Variants in FHIT observed in about 807,000 individuals in gnomAD.
FHIT encodes the protein bis(5'-adenosyl)-triphosphatase.
Under a neutral mutation model 17.9 loss-of-function variants are expected in FHIT, and 19 were observed. The observed-to-expected ratio is 1.06, with a 90% CI of 0.74 to 1.56. The LOEUF (loss-of-function observed/expected upper bound fraction) is 1.56, where lower values mean the gene tolerates loss of function less well. Ranked by LOEUF, FHIT falls within the 40% of genes most tolerant of loss-of-function variation. FHIT has a pLI of 0.00. For missense variants in FHIT, 248 were observed against 189.2 expected (o/e 1.31, Z -1.82); for synonymous variants, 81 against 69.7 (o/e 1.16, Z -0.81).
chr3:60,401,346 C>A (rs1701649646), intron 5 of FHIT, among the ~76,000 whole-genome samples: 1 of 152,158 alleles, frequency 6.6e-6, no homozygotes, highest in Non-Finnish European at 1.5e-5. Flanking sequence ...TGATCTGCAT[C>A]CTGGGAAGTT....
chr3:60,011,252 T>C, intron 7 of FHIT, 119 bp downstream of exon 7: 2 of 899,906 alleles, frequency 2.2e-6, no homozygotes, highest in South Asian at 1.5e-5. Context: ...ACTGAGGGTC[T>C]CTCTGACCTC....
At chr3:60,059,690 A>G (rs905035207) in intron 5 of FHIT, among the ~76,000 whole-genome samples, 1 of 152,166 alleles carries the variant, frequency 6.6e-6, no homozygotes, top group South Asian at 2.1e-4. Flanking sequence ...ATTAGCCGCC[A>G]GTAACCCAAA....
rs187109343 is a variant in FHIT at position 61,082,277 on chromosome 3, T to C, written c.-163-40178A>G. On this transcript the variant is annotated intron_variant, in intron 2 of 9. Coordinates refer to ENST00000492590, the MANE Select transcript of FHIT (RefSeq NM_002012.4). ...CCTGCTCCAGCCCAAAGGAAACCAT[T>C]ATCCTGACCTCTAACAACATTGATT... 1.3e-3 allele frequency among the ~76,000 whole-genome samples: 193 copies of C among 152,290 alleles called. 2 individuals are homozygous for C. Among genetic ancestry groups the C allele is most frequent in the African/African-American group, 4.5e-3 (185 of 41,562 alleles).
intron 5 of FHIT, among the ~76,000 whole-genome samples, chr3:60,265,146 G>A (rs571599028): frequency 6.6e-6 from 1 of 152,012 alleles, no homozygotes; most frequent in East Asian, 1.9e-4. Flanking sequence ...CTTGGTTGAA[G>A]CATATCTATT....
chr3:60,167,414 G>A (rs1041226574), intron 5 of FHIT, among the ~76,000 whole-genome samples: 5 of 152,148 alleles, frequency 3.3e-5, no homozygotes, highest in Non-Finnish European at 7.4e-5. Context: ...ACATGCATAT[G>A]TGTACACACA....
At chr3:60,524,428 A>C (rs1447357817) in intron 5 of FHIT, among the ~76,000 whole-genome samples, 1 of 152,186 alleles carries the variant, frequency 6.6e-6, no homozygotes, top group Non-Finnish European at 1.5e-5. Context: ...TTCCACGAAG[A>C]ATAAACAGCT....
At chr3:60,198,127 G>A (rs887619112) in intron 5 of FHIT, among the ~76,000 whole-genome samples, 3 of 93,270 alleles carry the variant, frequency 3.2e-5, no homozygotes, top group African/African-American at 7.9e-5. Flanking sequence ...TTCAAATAAA[G>A]TTTAGATGAG....
At chr3:60,272,941 T>G (rs889852602) in intron 5 of FHIT, among the ~76,000 whole-genome samples, 1 of 152,230 alleles carries the variant, frequency 6.6e-6, no homozygotes, top group African/African-American at 2.4e-5. Context: ...GCTATCAAAT[T>G]AACGTATGTC....
intron 5 of FHIT, among the ~76,000 whole-genome samples, chr3:60,200,372 T>C (rs1396600958): frequency 6.6e-6 from 1 of 152,152 alleles, no homozygotes; most frequent in Non-Finnish European, 1.5e-5. Flanking sequence ...GGATTTGCTC[T>C]TGTGGATAAT....
intron 5 of FHIT, among the ~76,000 whole-genome samples, chr3:60,373,910 T>C (rs2736824): frequency 0.96 from 145,862 of 152,274 alleles, 69,911 homozygotes; most frequent in East Asian, 1. Flanking sequence ...GGCACTTGGT[T>C]CTGGTGGTTC....
At chr3:61,169,144 C>A (rs1339004401) in intron 2 of FHIT, among the ~76,000 whole-genome samples, 3 of 152,224 alleles carry the variant, frequency 2.0e-5, no homozygotes, top group Non-Finnish European at 4.4e-5. Context: ...CTCTTTCCAG[C>A]TGTCTGACTC....
At chr3:60,846,851 T>A (rs1264660675) in intron 3 of FHIT, among the ~76,000 whole-genome samples, 2 of 151,628 alleles carry the variant, frequency 1.3e-5, no homozygotes, top group African/African-American at 4.8e-5. Flanking sequence ...TGAGATGGAG[T>A]CTTGCTCTGT....
At chr3:60,755,022 A>G (rs2042544908) in intron 4 of FHIT, among the ~76,000 whole-genome samples, 2 of 152,230 alleles carry the variant, frequency 1.3e-5, no homozygotes, top group Admixed American at 1.3e-4. Context: ...TTTAAATATT[A>G]TTAGAGAAAA....
chr3:59,852,675 A>G (rs555924211), intron 8 of FHIT, among the ~76,000 whole-genome samples: 30 of 152,230 alleles, frequency 2.0e-4, no homozygotes, highest in African/African-American at 7.2e-4. Context: ...TGATCCGCCT[A>G]TTCATCCCTC....
chr3:60,649,390 A>G (rs1300513292), intron 4 of FHIT, among the ~76,000 whole-genome samples: 1 of 152,194 alleles, frequency 6.6e-6, no homozygotes, highest in African/African-American at 2.4e-5. Flanking sequence ...TGACAGAGCG[A>G]GAGTCCATCT....
chr3:59,876,740 T>A (rs1443195657), intron 8 of FHIT, among the ~76,000 whole-genome samples: 1 of 152,232 alleles, frequency 6.6e-6, no homozygotes, highest in East Asian at 1.9e-4. Context: ...TATCAGACAC[T>A]GCTGGTTGTC....
intron 8 of FHIT, among the ~76,000 whole-genome samples, chr3:59,907,884 T>C (rs1704660315): frequency 6.6e-6 from 1 of 152,210 alleles, no homozygotes; most frequent in Non-Finnish European, 1.5e-5. Flanking sequence ...GCTGCCTGAA[T>C]TCCCTGGCTT....
At chr3:60,579,879 T>C (rs1294775952) in intron 4 of FHIT, among the ~76,000 whole-genome samples, 1 of 152,126 alleles carries the variant, frequency 6.6e-6, no homozygotes, top group Non-Finnish European at 1.5e-5. Context: ...TCTGGCCAGT[T>C]GCTTACTTAC....
intron 8 of FHIT, among the ~76,000 whole-genome samples, chr3:59,764,454 A>C (rs904011033): frequency 2.7e-4 from 41 of 152,190 alleles, no homozygotes; most frequent in Non-Finnish European, 1.3e-4. Context: ...TTCTGATTAC[A>C]AAACTGCACC....
Sources: allele counts gnomAD v4.1 joint callset (sites outside exome capture counted in the v4.1 genomes callset), GRCh38; gene constraint gnomAD v4.1.1; transcripts MANE v1.5; gene names NCBI Gene and HGNC (gene_info 2026-07-23, HGNC 2026-07-21).